NPAS3: variants seen among roughly 807,000 people sequenced by gnomAD.
NPAS3 encodes neuronal PAS domain-containing protein 3.
Under a neutral mutation model 73.1 loss-of-function variants are expected in NPAS3, and 14 were observed. That is an observed-to-expected ratio of 0.19 (90% CI 0.13 to 0.30). NPAS3 has a LOEUF of 0.30. Ranked by LOEUF, NPAS3 falls within the 10% of genes least tolerant of loss-of-function variation. NPAS3 has a pLI of 1.00. For synonymous variants in NPAS3, 620 were observed against 541.5 expected, an observed-to-expected ratio of 1.14 and a Z score of -2.01; for missense variants, 1,096 against 1,250.0, an observed-to-expected ratio of 0.88 and a Z score of 1.86.
intron 5 of NPAS3, among the ~76,000 whole-genome samples, chr14:33,645,093 AAAAG>A (rs1336827368): frequency 2.6e-5 from 4 of 151,546 alleles, no homozygotes; most frequent in Admixed American, 6.6e-5. Flanking sequence ...AAAAAAAAAA[AAAAG>A]AAAGAAAGAA....
intron 5 of NPAS3, among the ~76,000 whole-genome samples, chr14:33,564,423 G>A (rs974757779): frequency 3.9e-5 from 6 of 152,238 alleles, no homozygotes; most frequent in South Asian, 2.1e-4. Context: ...CAAGGCTGTC[G>A]TGATCTACAC....
In NPAS3 at chr14:33,800,157, T is replaced by C; in HGVS notation, c.1850T>C (p.Leu617Pro). Reference sequence around the variant, plus strand: ...GGCGGCAGCGCCAGCCGCCGGCGCCTGTCCAGCGCGTCGAGCCCAGGCGGC... The same window carrying C: ...GGCGGCAGCGCCAGCCGCCGGCGCCCGTCCAGCGCGTCGAGCCCAGGCGGC... The change falls in exon 12 of 12, where the codon CTG becomes CCG. Residue 617 changes from leucine (L) to proline (P), a missense_variant. Leu to Pro is a moderately conservative substitution (Grantham distance 98). Coordinates refer to ENST00000356141, the Ensembl canonical transcript of NPAS3. This position sits in a 1 kb window ranked among gnomAD's most constrained non-coding sequence, Gnocchi z 6.5. 6.2e-6 allele frequency: 10 copies of C among 1,602,502 alleles called. No homozygotes were observed. Among genetic ancestry groups the C allele is most frequent in the Non-Finnish European group, 8.5e-6 (10 of 1,175,352 alleles).
intron 2 of NPAS3, among the ~76,000 whole-genome samples, chr14:33,128,305 A>G (rs575124112): frequency 2.0e-5 from 3 of 152,180 alleles, no homozygotes; most frequent in African/African-American, 4.8e-5. Flanking sequence ...CAATAAATGT[A>G]TGTAGGATCT....
At chr14:33,064,127 G>T (rs1595363723) in intron 2 of NPAS3, among the ~76,000 whole-genome samples, 1 of 151,992 alleles carries the variant, frequency 6.6e-6, no homozygotes, top group Admixed American at 6.6e-5. Flanking sequence ...TCTATTAAAA[G>T]AAATTAATTT....
At chr14:33,200,230 CT>C (rs2139582928) in intron 2 of NPAS3, among the ~76,000 whole-genome samples, 1 of 150,244 alleles carries the variant, frequency 6.7e-6, no homozygotes, top group African/African-American at 2.4e-5. Flanking sequence ...ACCGCAGTTA[CT>C]TTTGCACCAA....
chr14:33,070,507 A>C (rs17100066), intron 2 of NPAS3, among the ~76,000 whole-genome samples: 5,804 of 152,216 alleles, frequency 0.038, 398 homozygotes, highest in East Asian at 0.29. Flanking sequence ...CCCATCCTAT[A>C]CGTCCTAGAT....
chr14:32,953,279 A>G (rs1250718037), intron 1 of NPAS3, among the ~76,000 whole-genome samples: 1 of 152,106 alleles, frequency 6.6e-6, no homozygotes, highest in East Asian at 1.9e-4. Flanking sequence ...ACCACGTTAG[A>G]CTTCACAAGA....
intron 3 of NPAS3, among the ~76,000 whole-genome samples, chr14:33,289,233 C>T (rs562898872): frequency 2.6e-5 from 4 of 152,186 alleles, no homozygotes; most frequent in South Asian, 2.1e-4. Context: ...ACATGTGCCT[C>T]GTAAGTTTTA....
chr14:33,647,466 A>G (rs538940928), intron 5 of NPAS3, among the ~76,000 whole-genome samples: 2 of 152,236 alleles, frequency 1.3e-5, no homozygotes, highest in East Asian at 3.9e-4. Context: ...ATAGCAAACA[A>G]AAGCGGTTAT....
intron 3 of NPAS3, among the ~76,000 whole-genome samples, chr14:33,301,432 T>G (rs2042542452): frequency 6.6e-6 from 1 of 150,788 alleles, no homozygotes; most frequent in Non-Finnish European, 1.5e-5. Context: ...AAAAGTTACT[T>G]GTTTGTGGGT....
intron 2 of NPAS3, among the ~76,000 whole-genome samples, chr14:33,163,701 T>C (rs1279318914): frequency 1.3e-5 from 2 of 151,802 alleles, no homozygotes; most frequent in African/African-American, 2.4e-5. Flanking sequence ...TTTAGTCTTG[T>C]GTCATTATAC....
intron 6 of NPAS3, among the ~76,000 whole-genome samples, chr14:33,703,851 C>T (rs1284740786): frequency 6.6e-5 from 10 of 152,104 alleles, no homozygotes; most frequent in African/African-American, 2.4e-4. Flanking sequence ...CTCAAGATCA[C>T]ACACCAGTAA....
chr14:32,994,482 G>T (rs900194409), intron 1 of NPAS3, among the ~76,000 whole-genome samples: 1 of 151,502 alleles, frequency 6.6e-6, no homozygotes, highest in Non-Finnish European at 1.5e-5. Flanking sequence ...TTTCATGATG[G>T]ATGTTAATTT....
In NPAS3 at chr14:33,712,106, G is replaced by A. The variant is rs1191498786; in HGVS notation, c.734-23108G>A. ...ATTGACATGCAAATAAGCACTCCAA[G>A]TACTCCACTTTGTTCTAAAAATTCC... On this transcript the variant is annotated intron_variant, in intron 6 of 11. Transcript: ENST00000356141. Among the ~76,000 whole-genome samples, 10 of 152,092 alleles carry A rather than the reference G, an allele frequency of 6.6e-5. No homozygotes were observed. In the East Asian group the frequency reaches 1.9e-3, roughly 29 times the overall value.
chr14:33,123,245 T>A (rs2043298632), intron 2 of NPAS3, among the ~76,000 whole-genome samples: 1 of 151,914 alleles, frequency 6.6e-6, no homozygotes, highest in Non-Finnish European at 1.5e-5. Flanking sequence ...ACGGGAGACA[T>A]TTGGGGTGTA....
At chr14:33,729,893 A>T (rs2061359953) in intron 6 of NPAS3, among the ~76,000 whole-genome samples, 1 of 152,198 alleles carries the variant, frequency 6.6e-6, no homozygotes, top group African/African-American at 2.4e-5. Flanking sequence ...GTCATCCTGG[A>T]TAAACATAAA....
At chr14:32,963,534 G>A (rs868073854) in intron 1 of NPAS3, among the ~76,000 whole-genome samples, 1 of 151,964 alleles carries the variant, frequency 6.6e-6, no homozygotes, top group African/African-American at 2.4e-5. Flanking sequence ...TGCCGAGGAG[G>A]GTAGATCGCA....
chr14:33,207,352 T>G (rs1404517562), intron 2 of NPAS3, among the ~76,000 whole-genome samples: 1 of 152,066 alleles, frequency 6.6e-6, no homozygotes, highest in Non-Finnish European at 1.5e-5. Context: ...CTTCTGAGTT[T>G]TCACATTTGC....
rs555858303 is a variant in NPAS3 at position 33,750,324 on chromosome 14, G to A, written c.852+14992G>A. 2.2e-4 allele frequency among the ~76,000 whole-genome samples: 34 copies of A among 151,902 alleles called. No individual in the cohort carries two copies. The South Asian group carries it at 7.1e-3, about 32-fold the overall frequency. On this transcript the variant is annotated intron_variant, in intron 7 of 11. Transcript: ENST00000356141. ...AATCATCACTGACATCAAAAATGAG[G>A]TGATATTTCAGCAGTATTATTTCAC...
Sources: allele counts gnomAD v4.1 joint callset (sites outside exome capture counted in the v4.1 genomes callset), GRCh38; gene constraint gnomAD v4.1.1; non-coding constraint Gnocchi (gnomAD v3.1); transcripts MANE v1.5; gene names NCBI Gene and HGNC (gene_info 2026-07-23, HGNC 2026-07-21).